The following MECOM variants were observed in gnomAD, a reference collection of about 807,000 sequenced individuals.
The protein encoded by MECOM is histone-lysine N-methyltransferase MECOM.
In MECOM, 13 loss-of-function variants were observed where a neutral mutation model predicts 116.3. The observed-to-expected ratio is 0.11, with a 90% CI of 0.07 to 0.18. MECOM has a LOEUF of 0.18. MECOM is among the 10% of genes least tolerant of loss of function. MECOM has a pLI of 1.00. For synonymous variants in MECOM, 528 were observed against 535.2 expected, an observed-to-expected ratio of 0.99 and a Z score of 0.19; for missense variants, 1,299 against 1,509.0, an observed-to-expected ratio of 0.86 and a Z score of 2.31.
intron 2 of MECOM, among the ~76,000 whole-genome samples, chr3:169,324,332 T>C (rs1336662782): frequency 6.6e-6 from 1 of 152,154 alleles, no homozygotes; most frequent in Non-Finnish European, 1.5e-5. Context: ...TTGTCAGAAG[T>C]ATAGGGATAG....
chr3:169,431,585 CT>C (rs1449024049), intron 1 of MECOM, among the ~76,000 whole-genome samples: 1 of 152,140 alleles, frequency 6.6e-6, no homozygotes, highest in African/African-American at 2.4e-5. Flanking sequence ...TTGTAATTCC[CT>C]GATGGATTCC....
At chr3:169,486,059 TCCCAGAGAC>T (rs1752345025) in intron 1 of MECOM, among the ~76,000 whole-genome samples, 2 of 141,718 alleles carry the variant, frequency 1.4e-5, no homozygotes, top group African/African-American at 5.2e-5. Flanking sequence ...ATATACACTA[TCCCAGAGAC>T]ATCACCAAGT....
intron 2 of MECOM, among the ~76,000 whole-genome samples, chr3:169,181,500 A>C (rs752304663): frequency 2.0e-5 from 3 of 152,150 alleles, no homozygotes; most frequent in Non-Finnish European, 4.4e-5. Context: ...CCTTGATTCC[A>C]CACACCAACT....
chr3:169,398,779 G>A (rs1376136670), intron 1 of MECOM, among the ~76,000 whole-genome samples: 1 of 152,134 alleles, frequency 6.6e-6, no homozygotes, highest in Non-Finnish European at 1.5e-5. Flanking sequence ...GGTAGAGGAG[G>A]AAACTAAACC....
At chr3:169,361,797 T>A (rs921990487) in intron 2 of MECOM, among the ~76,000 whole-genome samples, 2 of 151,882 alleles carry the variant, frequency 1.3e-5, no homozygotes, top group East Asian at 1.9e-4. Context: ...ACTACAGCCA[T>A]GCTACATTTG....
In MECOM at chr3:169,102,047, A is replaced by T. The variant is rs762262207; in HGVS notation, c.2771+13T>A. 3.8e-6 allele frequency: 6 copies of T among 1,599,502 alleles called. No individual in the cohort carries two copies. In the South Asian group the frequency reaches 6.8e-5, roughly 18 times the overall value. ...ATTTCTGGAAAGTCAGCCATAATTA[A>T]CTGTGCAGTTACCTGCAGGTATAGC... On this transcript the variant is annotated intron_variant, in intron 11 of 16. Coordinates refer to ENST00000651503, the MANE Select transcript of MECOM (RefSeq NM_004991.4).
chr3:169,391,180 C>T (rs1274152770), intron 1 of MECOM, among the ~76,000 whole-genome samples: 2 of 152,122 alleles, frequency 1.3e-5, no homozygotes, highest in Non-Finnish European at 2.9e-5. Context: ...CTAACTTAAC[C>T]ACACTCTTGG....
chr3:169,483,775 T>G (rs1751728491), intron 1 of MECOM: 2 of 1,610,956 alleles, frequency 1.2e-6, no homozygotes, highest in Non-Finnish European at 1.7e-6. Flanking sequence ...TCACGTAGAT[T>G]ATTCTTCTTC....
chr3:169,217,765 C>T (rs1372394328), intron 2 of MECOM, among the ~76,000 whole-genome samples: 1 of 151,766 alleles, frequency 6.6e-6, no homozygotes. Flanking sequence ...ACCTGGGCAA[C>T]AGAGCGAGAC....
intron 1 of MECOM, among the ~76,000 whole-genome samples, chr3:169,481,323 C>T (rs1369687217): frequency 2.0e-5 from 3 of 152,052 alleles, no homozygotes; most frequent in Non-Finnish European, 4.4e-5. Context: ...GAGGACGAGG[C>T]GGGTGGATCA....
intron 2 of MECOM, among the ~76,000 whole-genome samples, chr3:169,379,415 A>G (rs376513318): frequency 3.3e-5 from 5 of 152,272 alleles, no homozygotes; most frequent in Admixed American, 6.5e-5. Flanking sequence ...GAACTATTTT[A>G]TAAAGGTGTC....
chr3:169,499,146 G>T (rs1754208100), intron 1 of MECOM, among the ~76,000 whole-genome samples: 1 of 151,250 alleles, frequency 6.6e-6, no homozygotes, highest in Non-Finnish European at 1.5e-5. Context: ...ATACCAGAAG[G>T]AAAGGACAGA....
chr3:169,196,785 C>T (rs1033280831), intron 2 of MECOM, among the ~76,000 whole-genome samples: 16 of 151,958 alleles, frequency 1.1e-4, no homozygotes, highest in African/African-American at 3.4e-4. Context: ...ACAGAACTAC[C>T]ATTTGACCCA....
At chr3:169,642,193 A>G (rs1249538543) in intron 1 of MECOM, among the ~76,000 whole-genome samples, 3 of 152,214 alleles carry the variant, frequency 2.0e-5, no homozygotes. Context: ...AGAGCTGTGC[A>G]ACACTTGCAG....
chr3:169,307,205 T>C (rs1450517445), intron 2 of MECOM, among the ~76,000 whole-genome samples: 2 of 152,194 alleles, frequency 1.3e-5, no homozygotes, highest in African/African-American at 2.4e-5. Context: ...CAAATAAACC[T>C]TTAATAATCC....
At chr3:169,554,848 G>T (rs1420087463) in intron 1 of MECOM, among the ~76,000 whole-genome samples, 2 of 152,150 alleles carry the variant, frequency 1.3e-5, no homozygotes, top group East Asian at 3.9e-4. Context: ...GTAATAGGGG[G>T]TTGGGGGCAC....
chr3:169,593,843 G>A (rs1327530200), intron 1 of MECOM, among the ~76,000 whole-genome samples: 5 of 152,084 alleles, frequency 3.3e-5, no homozygotes, highest in African/African-American at 7.2e-5. Context: ...TTTCTACCAG[G>A]CACAGTGGCT....
At chr3:169,622,764 C>T (rs1016182045) in intron 1 of MECOM, among the ~76,000 whole-genome samples, 1 of 152,108 alleles carries the variant, frequency 6.6e-6, no homozygotes, top group Non-Finnish European at 1.5e-5. Flanking sequence ...TCTCATGAAA[C>T]GAAGCCATAC....
At chr3:169,112,328 T>C (rs934356358) in intron 9 of MECOM, among the ~76,000 whole-genome samples, 14 of 152,178 alleles carry the variant, frequency 9.2e-5, no homozygotes, top group Non-Finnish European at 1.8e-4. Context: ...CTCAGTGGTC[T>C]CTAGATAAAT....
Sources: gnomAD v4.1 joint callset for allele counts (sites outside exome capture counted in the v4.1 genomes callset) on GRCh38, gnomAD v4.1.1 for gene constraint, MANE v1.5 for transcripts, NCBI Gene and HGNC (gene_info 2026-07-23, HGNC 2026-07-21) for gene names.